Variants in PLXNA4 observed in about 807,000 individuals in gnomAD.
The protein encoded by PLXNA4 is plexin A4, also known as plexin-A4.
In PLXNA4, 44 loss-of-function variants were observed where a neutral mutation model predicts 191.8. That is an observed-to-expected ratio of 0.23 (90% confidence interval 0.18 to 0.29). PLXNA4 has a LOEUF of 0.29. Ranked by LOEUF, PLXNA4 falls within the 10% of genes least tolerant of loss-of-function variation. The probability of loss-of-function intolerance (pLI) is 1.00; values close to 1 mark genes in which losing one functional copy is unlikely to be tolerated. For synonymous variants in PLXNA4, 1,082 were observed against 1,009.5 expected (o/e 1.07, Z -1.36); for missense variants, 1,800 against 2,488.8 (o/e 0.72, Z 5.89).
rs1432274745 is a variant in PLXNA4 at position 132,164,020 on chromosome 7, ACAG to A, written c.4500+119_4500+121del. 19 of 1,465,802 alleles carry A rather than the reference ACAG, an allele frequency of 1.3e-5. No homozygotes were observed. The African/African-American group carries it at 2.1e-4, about 16-fold the overall frequency. The allele number at this position is 1,465,802 out of a possible 1,614,324, so 90.8% of individuals were successfully genotyped here. On this transcript the variant is annotated intron_variant, in intron 24 of 31. Coordinates refer to ENST00000321063, the MANE Select transcript of PLXNA4 (RefSeq NM_020911.2). The stretch of plus-strand genomic sequence containing the variant: ...AGCGGGAGCACCTGGCTGGGCCCAC[ACAG>A]CAGACACACCTGGAGAGGCAGCTGT...
chr7:132,491,533 T>C (rs1456894870), intron 2 of PLXNA4, among the ~76,000 whole-genome samples: 1 of 152,104 alleles, frequency 6.6e-6, no homozygotes, highest in Admixed American at 6.5e-5. Flanking sequence ...AGGCCACGTG[T>C]AGAGCAGACA....
chr7:132,262,261 A>G (rs1428000656), intron 4 of PLXNA4, among the ~76,000 whole-genome samples: 1 of 151,296 alleles, frequency 6.6e-6, no homozygotes, highest in East Asian at 1.9e-4. Flanking sequence ...CTCATAAGTC[A>G]CTCTCTCCCT....
At chr7:132,493,133 G>C (rs1056034231) in intron 2 of PLXNA4, among the ~76,000 whole-genome samples, 2 of 152,118 alleles carry the variant, frequency 1.3e-5, no homozygotes, top group Non-Finnish European at 1.5e-5. Context: ...AACAGGTGAG[G>C]GTTGATGTGG....
At chr7:132,182,317 G>T in intron 16 of PLXNA4, 127 bp from the exon 17 acceptor site, 1 of 1,419,676 alleles carries the variant, frequency 7.0e-7, no homozygotes, top group Admixed American at 2.4e-5. Context: ...TGTTCATGGG[G>T]ACAAGGATGA....
At chr7:132,235,202 T>A (rs1798657675) in intron 5 of PLXNA4, among the ~76,000 whole-genome samples, 1 of 152,136 alleles carries the variant, frequency 6.6e-6, no homozygotes, top group Non-Finnish European at 1.5e-5. Context: ...CAGCCTCTGC[T>A]CCCACAGTCG....
At chr7:132,511,963 A>G (rs1034866953) in intron 1 of PLXNA4, among the ~76,000 whole-genome samples, 1 of 152,202 alleles carries the variant, frequency 6.6e-6, no homozygotes, top group Non-Finnish European at 1.5e-5. Flanking sequence ...TGGGTCTCAC[A>G]CTGTCCATCC....
chr7:132,269,074 T>C (rs1049516324), intron 4 of PLXNA4, among the ~76,000 whole-genome samples: 4 of 152,070 alleles, frequency 2.6e-5, no homozygotes, highest in Non-Finnish European at 5.9e-5. Context: ...GACACATGCG[T>C]CCTCCCCCAC....
chr7:132,160,631 G>A (rs1280832150), intron 24 of PLXNA4, among the ~76,000 whole-genome samples: 1 of 152,128 alleles, frequency 6.6e-6, no homozygotes, highest in Admixed American at 6.5e-5. Flanking sequence ...GGGTACTGAT[G>A]CCAAGTGGCC....
intron 24 of PLXNA4, among the ~76,000 whole-genome samples, chr7:132,162,148 G>A (rs373715467): frequency 2.0e-5 from 3 of 152,342 alleles, no homozygotes; most frequent in East Asian, 1.9e-4. Context: ...TCCAGGACTC[G>A]TCTGCACGCC....
chr7:132,383,043 T>G (rs751635106), intron 3 of PLXNA4, among the ~76,000 whole-genome samples: 3 of 152,168 alleles, frequency 2.0e-5, no homozygotes, highest in Non-Finnish European at 4.4e-5. Context: ...CAAAGCAGGG[T>G]GCATCCTTTG....
At chr7:132,170,136 C>G (rs181084944) in intron 21 of PLXNA4, among the ~76,000 whole-genome samples, 164 of 152,158 alleles carry the variant, frequency 1.1e-3, no homozygotes, top group African/African-American at 3.8e-3. Context: ...TTCCTAGGGC[C>G]CTTAGTGACT....
At chr7:132,406,008 C>T (rs1794204411) in intron 3 of PLXNA4, among the ~76,000 whole-genome samples, 1 of 152,146 alleles carries the variant, frequency 6.6e-6, no homozygotes. Context: ...TGGAAAGCAC[C>T]ATTTGAGCAG....
chr7:132,291,622 G>A (rs560582571), intron 4 of PLXNA4, among the ~76,000 whole-genome samples: 1 of 152,222 alleles, frequency 6.6e-6, no homozygotes, highest in South Asian at 2.1e-4. Context: ...ATGCACATGT[G>A]TACACACACA....
At chr7:132,203,270 C>G in intron 11 of PLXNA4, 53 bp downstream of exon 11, 1 of 1,527,742 alleles carries the variant, frequency 6.5e-7, no homozygotes, top group Non-Finnish European at 9.1e-7. Context: ...CTCCTTCCCT[C>G]TCTACCCCAT....
At chr7:132,284,835 C>A (rs527504203) in intron 4 of PLXNA4, among the ~76,000 whole-genome samples, 1 of 152,152 alleles carries the variant, frequency 6.6e-6, no homozygotes, top group East Asian at 1.9e-4. Flanking sequence ...CTGCCTCAGC[C>A]TCCCAAGCAG....
intron 3 of PLXNA4, among the ~76,000 whole-genome samples, chr7:132,409,198 A>T (rs1224364980): frequency 2.0e-5 from 3 of 152,100 alleles, no homozygotes; most frequent in Non-Finnish European, 4.4e-5. Context: ...CTGTGAAGCC[A>T]GAAATCCAGG....
intron 4 of PLXNA4, among the ~76,000 whole-genome samples, chr7:132,242,828 A>C (rs1276115791): frequency 6.6e-6 from 1 of 152,198 alleles, no homozygotes; most frequent in Non-Finnish European, 1.5e-5. Context: ...CTTAACAATT[A>C]GTTCCTTACA....
Position 132,484,881 on chromosome 7 carries a change from T to C in PLXNA4, c.1371+4411A>G, listed in dbSNP as rs1797484986. 1.2e-6 allele frequency: 2 copies of C among 1,614,212 alleles called. No individual in the cohort carries two copies. Among genetic ancestry groups the C allele is most frequent in the African/African-American group, 1.3e-5 (1 of 75,060 alleles). The stretch of plus-strand genomic sequence containing the variant: ...AGAGGCTGGACTCTCTGATCTGATA[T>C]TGCTTTGTGACTTGAGCACTGAAGA... On this transcript the variant is annotated intron_variant, in intron 3 of 31. Transcript: ENST00000321063.
At chr7:132,607,091 A>G (rs1802940395) in intron 2 of PLXNA4, among the ~76,000 whole-genome samples, 1 of 152,246 alleles carries the variant, frequency 6.6e-6, no homozygotes, top group Admixed American at 6.5e-5. Context: ...CATCTGAGGA[A>G]GGAAAATGAA....
Sources: gnomAD v4.1 joint callset for allele counts (sites outside exome capture counted in the v4.1 genomes callset) on GRCh38, gnomAD v4.1.1 for gene constraint, MANE v1.5 for transcripts, NCBI Gene and HGNC (gene_info 2026-07-23, HGNC 2026-07-21) for gene names.